FBXW9: variants seen among roughly 807,000 people sequenced by gnomAD.
FBXW9 encodes F-box/WD repeat-containing protein 9.
FBXW9 carries 38 observed loss-of-function variants against 55.8 expected under a neutral mutation model. That is an observed-to-expected ratio of 0.68 (90% CI 0.53 to 0.89). The LOEUF (loss-of-function observed/expected upper bound fraction) is 0.89. FBXW9 is among the 40% of genes least tolerant of loss of function. The pLI is 0.00. For missense variants in FBXW9, 590 were observed against 619.4 expected, an observed-to-expected ratio of 0.95 and a Z score of 0.50; for synonymous variants, 289 against 278.2, an observed-to-expected ratio of 1.04 and a Z score of -0.38.
In FBXW9 at chr19:12,696,593, G is replaced by A. The variant is rs2025074862; in HGVS notation, c.-12C>T. 2 of 1,603,776 alleles carry A rather than the reference G, an allele frequency of 1.2e-6. No individual in the cohort carries two copies. The highest frequency in any genetic ancestry group is 1.3e-5 in the African/African-American group (1 of 74,858). On this transcript the variant is annotated 5_prime_UTR_variant, in exon 1 of 10. Transcript: ENST00000393261. Reference sequence around the variant, plus strand: ...AGGGGAAGCTCCATTGCGACCGGGTGGGCGCTGCCGGCCTCGCGTCTTGTC... The same window carrying A: ...AGGGGAAGCTCCATTGCGACCGGGTAGGCGCTGCCGGCCTCGCGTCTTGTC...
Position 12,689,171 on chromosome 19 carries a change from A to C in FBXW9, c.*45T>G, listed in dbSNP as rs1599392530. Reference sequence around the variant, plus strand: ...GATGGTCCCCCAAGAACAGAGGAGGAAGCCCAGCCTCCGGCAGGCAGTATC... The same window carrying C: ...GATGGTCCCCCAAGAACAGAGGAGGCAGCCCAGCCTCCGGCAGGCAGTATC... On this transcript the variant is annotated 3_prime_UTR_variant, in exon 10 of 10. Coordinates refer to ENST00000393261, the MANE Select transcript of FBXW9 (RefSeq NM_032301.3). This position sits in a 1 kb window ranked among gnomAD's most constrained non-coding sequence, Gnocchi z 5.9. The C allele has an allele frequency of 7.0e-7, 1 of 1,427,232 alleles. No homozygotes were observed. The highest frequency in any genetic ancestry group is 2.3e-5 in the East Asian group (1 of 44,050). 88.4% of individuals were successfully genotyped at this position (1,427,232 alleles called of 1,614,324 possible). A position where few individuals can be genotyped will look rare whatever the true frequency, so the allele number is the denominator to read the frequency against.
At chr19:12,692,614 C>T (rs565882266) in intron 3 of FBXW9, among the ~76,000 whole-genome samples, 4 of 152,138 alleles carry the variant, frequency 2.6e-5, no homozygotes, top group South Asian at 2.1e-4. Context: ...CTCCGCCTCC[C>T]GGGTTCATGC....
intron 3 of FBXW9, among the ~76,000 whole-genome samples, chr19:12,692,847 A>G (rs925748952): frequency 2.6e-5 from 4 of 152,168 alleles, no homozygotes; most frequent in African/African-American, 9.7e-5. Flanking sequence ...TTTCTAAGTC[A>G]AGTTCTGCAA....
intron 3 of FBXW9, among the ~76,000 whole-genome samples, chr19:12,693,286 C>T: frequency 6.6e-6 from 1 of 151,572 alleles, no homozygotes; most frequent in East Asian, 1.9e-4. Context: ...TGGCTGATCT[C>T]CAAGGGTAGT....
Position 12,696,515 on chromosome 19 carries a change from C to G in FBXW9, c.67G>C (p.Glu23Gln). ...TTGGCCTGCGCGTCTGGGTCTGTCT[C>G]TGACTCTGGGTCCGAGTCATCGTCC... ...TWDDDSDPES[E>Q]TDPDAQAKAY... The change falls in exon 1 of 10, where the codon GAG becomes CAG. Residue 23 changes from glutamate to glutamine, a missense_variant. Glu to Gln is a conservative substitution (Grantham distance 29). Transcript: ENST00000393261. 3 of 1,612,830 alleles carry G rather than the reference C, an allele frequency of 1.9e-6. No individual in the cohort carries two copies. Among genetic ancestry groups the G allele is most frequent in the Non-Finnish European group, 2.5e-6 (3 of 1,180,004 alleles).
At position 12,689,854 on chromosome 19, in the gene FBXW9, G is replaced by A; in HGVS notation, c.1053C>T (p.Cys351=). 6.2e-7 allele frequency: 1 copy of A among 1,614,110 alleles called. No homozygotes were observed. The highest frequency in any genetic ancestry group is 8.5e-7 in the Non-Finnish European group (1 of 1,179,982). The change falls in exon 7 of 10, where the codon TGC becomes TGT. Residue 351 remains cysteine, a synonymous_variant. Coordinates refer to ENST00000393261, the MANE Select transcript of FBXW9 (RefSeq NM_032301.3). The surrounding 1 kb of genome is among the most constrained non-coding windows in gnomAD (Gnocchi z 5.9). The stretch of plus-strand genomic sequence containing the variant: ...AGAGCTGGGGTTCCTGGTAGGACAT[G>A]CAGAGCAGGTAGGAGTCCAGCTACG... The part of the protein sequence containing the change: ...QRLQLDSYLL[C]MSYQEPQLWA...
chr19:12,691,299 AG>A (rs2025004369), intron 4 of FBXW9, 42 bp from the exon 5 acceptor site: 1 of 1,613,044 alleles, frequency 6.2e-7, no homozygotes, highest in Non-Finnish European at 8.5e-7. Flanking sequence ...GTGGCCAGAC[AG>A]GGTCCTATCC....
chr19:12,693,617 T>G (rs2025041319), intron 3 of FBXW9, among the ~76,000 whole-genome samples: 1 of 106,368 alleles, frequency 9.4e-6, no homozygotes, highest in African/African-American at 3.7e-5. Flanking sequence ...CAAAAGAAAT[T>G]AGCTGGGCAT....
intron 3 of FBXW9, among the ~76,000 whole-genome samples, chr19:12,692,445 C>T (rs926907917): frequency 7.2e-5 from 11 of 151,824 alleles, no homozygotes; most frequent in African/African-American, 2.4e-4. Flanking sequence ...AGGCTGGTCT[C>T]GAACTCCTGA....
chr19:12,692,714 A>G (rs959775659), intron 3 of FBXW9, among the ~76,000 whole-genome samples: 1 of 150,652 alleles, frequency 6.6e-6, no homozygotes, highest in Non-Finnish European at 1.5e-5. Context: ...TTGTAGAGTC[A>G]GGGTCTCCCA....
In FBXW9 at chr19:12,696,234, G is replaced by A. The variant is rs1362859892; in HGVS notation, c.348C>T (p.Asp116=). The A allele has an allele frequency of 1.3e-6, 2 of 1,562,582 alleles. No homozygotes were observed. The highest frequency in any genetic ancestry group is 2.3e-5 in the South Asian group (2 of 85,684). Residue 116 remains aspartate (D), a synonymous_variant, in exon 1 of 10, where the codon GAC becomes GAT. Coordinates refer to ENST00000393261, the MANE Select transcript of FBXW9 (RefSeq NM_032301.3). Reference sequence around the variant, plus strand: ...GCGCGCGTAGCCTCCAGGTGACATGGTCAGACACGAGGTCGCGGAGCGCGT... The same window carrying A: ...GCGCGCGTAGCCTCCAGGTGACATGATCAGACACGAGGTCGCGGAGCGCGT... ...VCHALRDLVS[D]HVTWRLRALR...
At chr19:12,695,730 T>G (rs1263334792) in intron 1 of FBXW9, among the ~76,000 whole-genome samples, 2 of 152,252 alleles carry the variant, frequency 1.3e-5, no homozygotes, top group East Asian at 3.9e-4. Context: ...CTCAGGAGTT[T>G]TGACATCAAC....
At position 12,696,246 on chromosome 19, in the gene FBXW9, G is replaced by A. The variant is rs1246877334; in HGVS notation, c.336C>T (p.Asp112=). 5 of 1,565,088 alleles carry A rather than the reference G, an allele frequency of 3.2e-6. No homozygotes were observed. The Admixed American group carries it at 7.6e-5, about 24-fold the overall frequency. The change falls in exon 1 of 10, where the codon GAC becomes GAT. Residue 112 remains aspartate, a synonymous_variant. Coordinates refer to ENST00000393261, the MANE Select transcript of FBXW9 (RefSeq NM_032301.3). ...TCCAGGTGACATGGTCAGACACGAG[G>A]TCGCGGAGCGCGTGGCACACCCGCG... is the stretch of plus-strand genomic sequence containing the variant. The part of the protein sequence containing the change: ...VLSRVCHALR[D]LVSDHVTWRL...
rs548284613 is a variant in FBXW9 at position 12,689,053 on chromosome 19, C to G, written c.*163G>C. 6.9e-6 allele frequency: 5 copies of G among 725,130 alleles called. No homozygotes were observed. In the African/African-American group the frequency reaches 6.9e-5, roughly 10 times the overall value. The allele number at this position is 725,130 out of a possible 1,614,324, so 44.9% of individuals were successfully genotyped here. On this transcript the variant is annotated 3_prime_UTR_variant, in exon 10 of 10. Coordinates refer to ENST00000393261, the MANE Select transcript of FBXW9 (RefSeq NM_032301.3). This position sits in a 1 kb window ranked among gnomAD's most constrained non-coding sequence, Gnocchi z 5.9. ...CTGAACCCCAATTTCACCCTTCCCC[C>G]GGGCATAGGGCCCAGGCCAGGACGC... is the stretch of plus-strand genomic sequence containing the variant.
chr19:12,690,864 C>T (rs2145401869), intron 5 of FBXW9, among the ~76,000 whole-genome samples: 1 of 152,252 alleles, frequency 6.6e-6, no homozygotes, highest in Admixed American at 6.5e-5. Context: ...CCCCATTAAC[C>T]CCATGGGGCT....
intron 3 of FBXW9, among the ~76,000 whole-genome samples, chr19:12,692,486 A>C (rs1230238670): frequency 6.6e-6 from 1 of 150,396 alleles, no homozygotes; most frequent in Non-Finnish European, 1.5e-5. Flanking sequence ...TTAGCCTCCC[A>C]AAGTGCTGGG....
At chr19:12,693,555 TATATATACACACACACACACACACAC>T (rs1346847390) in intron 3 of FBXW9, among the ~76,000 whole-genome samples, 4 of 20,522 alleles carry the variant, frequency 1.9e-4, no homozygotes, top group African/African-American at 4.0e-4. Flanking sequence ...TATATATATA[TATATATACACACACACACACACACAC>T]ACACACACAC....
chr19:12,691,634 G>T (rs986969465), intron 3 of FBXW9, among the ~76,000 whole-genome samples, 180 bp from the exon 4 acceptor site: 1 of 152,160 alleles, frequency 6.6e-6, no homozygotes, highest in Non-Finnish European at 1.5e-5. Flanking sequence ...CCCAACTCTG[G>T]CTCCAGGTGA....
At chr19:12,693,601 C>CAT in intron 3 of FBXW9, among the ~76,000 whole-genome samples, 1 of 78,496 alleles carries the variant, frequency 1.3e-5, no homozygotes, top group African/African-American at 5.6e-5. Context: ...CACACACACA[C>CAT]ACACACAAAA....
Sources: gnomAD v4.1 joint callset for allele counts (sites outside exome capture counted in the v4.1 genomes callset) on GRCh38, gnomAD v4.1.1 for gene constraint, Gnocchi (gnomAD v3.1) non-coding constraint, MANE v1.5 for transcripts, NCBI Gene and HGNC (gene_info 2026-07-23, HGNC 2026-07-21) for gene names.